RNPEP: variants seen among roughly 807,000 people sequenced by gnomAD.
The protein encoded by RNPEP is aminopeptidase B.
In RNPEP, 57 loss-of-function variants were observed where a neutral mutation model predicts 70.1. That is an observed-to-expected ratio of 0.81 (90% CI 0.66 to 1.01). The LOEUF (loss-of-function observed/expected upper bound fraction) is 1.01. Ranked by LOEUF, RNPEP falls within the 50% of genes least tolerant of loss-of-function variation. RNPEP has a pLI of 0.00. For missense variants in RNPEP, 787 were observed against 852.4 expected, an observed-to-expected ratio of 0.92 and a Z score of 0.96; for synonymous variants, 335 against 357.4, an observed-to-expected ratio of 0.94 and a Z score of 0.71.
intron 5 of RNPEP, among the ~76,000 whole-genome samples, chr1:201,999,006 A>C (rs1683676987): frequency 1.3e-5 from 2 of 152,226 alleles, no homozygotes; most frequent in Non-Finnish European, 2.9e-5. Flanking sequence ...ACCTGAGGTC[A>C]GGAGTTTGAG....
chr1:201,995,468 A>G (rs1351198919), intron 3 of RNPEP, among the ~76,000 whole-genome samples: 2 of 151,518 alleles, frequency 1.3e-5, no homozygotes, highest in African/African-American at 4.9e-5. Flanking sequence ...GAATCACTTG[A>G]GCCCAGGAGT....
intron 9 of RNPEP, 80 bp from the exon 10 acceptor site, chr1:202,004,274 C>A: frequency 2.7e-6 from 4 of 1,504,672 alleles, no homozygotes; most frequent in Admixed American, 3.6e-5. Context: ...GTGATCCGCC[C>A]ACCTCAGCCT....
intron 10 of RNPEP, among the ~76,000 whole-genome samples, chr1:202,004,816 G>T (rs1683983112): frequency 1.3e-5 from 2 of 152,218 alleles, no homozygotes. Context: ...GAGGGAAAGG[G>T]GCCAGAGGCG....
At chr1:201,999,315 G>A (rs1262871703) in intron 5 of RNPEP, among the ~76,000 whole-genome samples, 2 of 152,008 alleles carry the variant, frequency 1.3e-5, no homozygotes, top group African/African-American at 4.8e-5. Flanking sequence ...AGGCCAAGGC[G>A]GGCATATCAC....
At chr1:201,997,765 A>ATT (rs1558265269) in intron 5 of RNPEP, among the ~76,000 whole-genome samples, 1 of 45,394 alleles carries the variant, frequency 2.2e-5, no homozygotes, top group African/African-American at 4.0e-5. Context: ...CCAGGTCATT[A>ATT]GTTTTTTTTT....
At chr1:202,002,949 C>G (rs1048826941) in intron 8 of RNPEP, among the ~76,000 whole-genome samples, 1 of 152,056 alleles carries the variant, frequency 6.6e-6, no homozygotes, top group Admixed American at 6.6e-5. Context: ...TGGTTGTGAT[C>G]GGTAGGAGAA....
At chr1:201,996,596 C>T (rs138562068) in intron 4 of RNPEP, among the ~76,000 whole-genome samples, 240 of 151,964 alleles carry the variant, frequency 1.6e-3, no homozygotes, top group African/African-American at 5.5e-3. Context: ...CAGGTTCAAG[C>T]GATTCTCCTG....
intron 1 of RNPEP, among the ~76,000 whole-genome samples, chr1:201,984,166 G>A (rs4950750): frequency 0.55 from 83,956 of 152,016 alleles, 23,532 homozygotes; most frequent in Non-Finnish European, 0.6. Context: ...TCCTGACCTC[G>A]TGATCCGCCT....
At chr1:201,994,262 A>G (rs1189798328) in intron 3 of RNPEP, among the ~76,000 whole-genome samples, 1 of 152,090 alleles carries the variant, frequency 6.6e-6, no homozygotes, top group Non-Finnish European at 1.5e-5. Flanking sequence ...CTTGTAGTTT[A>G]ACATATTTTC....
chr1:201,989,307 C>G, intron 2 of RNPEP, 76 bp from the exon 3 acceptor site: 1 of 1,524,562 alleles, frequency 6.6e-7, no homozygotes. Flanking sequence ...CACAGGTGGC[C>G]GGTCATGCTC....
intron 3 of RNPEP, among the ~76,000 whole-genome samples, chr1:201,991,066 A>G (rs1683314163): frequency 6.6e-6 from 1 of 152,166 alleles, no homozygotes; most frequent in Non-Finnish European, 1.5e-5. Flanking sequence ...CCGTGATTAA[A>G]TGGACAGTTC....
intron 10 of RNPEP, among the ~76,000 whole-genome samples, 163 bp from the exon 11 acceptor site, chr1:202,005,393 CCT>C (rs1684015946): frequency 6.6e-6 from 1 of 152,144 alleles, no homozygotes; most frequent in Non-Finnish European, 1.5e-5. Flanking sequence ...CAAGAAGATG[CCT>C]GAATTAGAGC....
rs778877496 is a variant in RNPEP, at chr1:201,999,920, T to G, written c.1109T>G (p.Leu370Trp). ...GCACCAGGCGCTGCGTACACCTGCT[T>G]GGAGGCTGCAACGGGGCGGGCTCTG... ...TILFGAAYTC[L>W]EAATGRALLR... The change falls in exon 6 of 11, where the codon TTG becomes TGG. Residue 370 changes from leucine to tryptophan, a missense_variant. Physicochemically the swap from Leu to Trp is moderately conservative, Grantham distance 61. Coordinates refer to ENST00000295640, the MANE Select transcript of RNPEP (RefSeq NM_020216.4). 6.2e-7 allele frequency: 1 copy of G among 1,613,764 alleles called. No individual in the cohort carries two copies. Among genetic ancestry groups the G allele is most frequent in the East Asian group, 2.2e-5 (1 of 44,866 alleles).
At chr1:201,996,402 AGAG>A in intron 4 of RNPEP, 139 bp downstream of exon 4, 2 of 707,234 alleles carry the variant, frequency 2.8e-6, no homozygotes, top group Non-Finnish European at 5.1e-6. Context: ...GAGGAGGAAG[AGAG>A]GAGGGTATGA....
intron 5 of RNPEP, among the ~76,000 whole-genome samples, 177 bp from the exon 6 acceptor site, chr1:201,999,725 C>G (rs934573800): frequency 2.0e-5 from 3 of 152,276 alleles, no homozygotes; most frequent in African/African-American, 7.2e-5. Flanking sequence ...GAGTCAGGCT[C>G]TCTGTAACTG....
chr1:202,003,228 C>T lies in RNPEP; in HGVS notation c.1427-9C>T. The T allele has an allele frequency of 6.2e-7, 1 of 1,604,150 alleles. No homozygotes were observed. The highest frequency in any genetic ancestry group is 1.9e-4 in the Middle Eastern group (1 of 5,146). ...GAATTCTGATAGTGTCTTCTCTCCT[C>T]CCAAACAGGTTTTGAGTTTGATCGA... On this transcript the variant is annotated splice_polypyrimidine_tract_variant and intron_variant, in intron 8 of 10. Transcript: ENST00000295640.
intron 6 of RNPEP, chr1:202,000,338 A>C (rs929415110): frequency 2.7e-5 from 6 of 223,000 alleles, no homozygotes; most frequent in Non-Finnish European, 3.6e-5. Context: ...CTGTAGAATA[A>C]AAGCATTAGC....
intron 1 of RNPEP, among the ~76,000 whole-genome samples, chr1:201,987,165 A>C (rs1683158035): frequency 6.6e-6 from 1 of 152,004 alleles, no homozygotes; most frequent in African/African-American, 2.4e-5. Context: ...GCATCTGTTT[A>C]TGCCTCTCCT....
intron 1 of RNPEP, 99 bp downstream of exon 1, chr1:201,983,212 G>A (rs1683004819): frequency 1.5e-5 from 22 of 1,421,108 alleles, no homozygotes; most frequent in Non-Finnish European, 2.0e-5. Flanking sequence ...GAGGGACAGG[G>A]AGGACCCTTC....
Sources: gnomAD v4.1 joint callset for allele counts (sites outside exome capture counted in the v4.1 genomes callset) on GRCh38, gnomAD v4.1.1 for gene constraint, MANE v1.5 for transcripts, NCBI Gene and HGNC (gene_info 2026-07-23, HGNC 2026-07-21) for gene names.